Variants in NDST3 observed in about 807,000 individuals in gnomAD.
NDST3 encodes bifunctional heparan sulfate N-deacetylase/N-sulfotransferase 3.
In NDST3, 58 loss-of-function variants were observed where a neutral mutation model predicts 96.1. That is an observed-to-expected ratio of 0.60 (90% CI 0.49 to 0.75). NDST3 has a LOEUF of 0.75. Ranked by LOEUF, NDST3 falls within the 30% of genes least tolerant of loss-of-function variation. NDST3 has a pLI of 0.00. For missense variants in NDST3, 788 were observed against 1,034.2 expected, an observed-to-expected ratio of 0.76 and a Z score of 3.27; for synonymous variants, 333 against 359.7, an observed-to-expected ratio of 0.93 and a Z score of 0.84.
At chr4:118,230,467 C>A (rs779457010) in intron 8 of NDST3, among the ~76,000 whole-genome samples, 3 of 151,620 alleles carry the variant, frequency 2.0e-5, no homozygotes, top group Non-Finnish European at 4.4e-5. Context: ...CCCAGCTACT[C>A]AAGAGGCTGA....
intron 6 of NDST3, among the ~76,000 whole-genome samples, chr4:118,161,982 T>C (rs952629582): frequency 2.6e-5 from 4 of 152,190 alleles, no homozygotes; most frequent in Non-Finnish European, 4.4e-5. Context: ...CTGGGAGCTG[T>C]AGACCGGAGC....
At chr4:118,162,893 C>A (rs1473123235) in intron 6 of NDST3, among the ~76,000 whole-genome samples, 2 of 148,034 alleles carry the variant, frequency 1.4e-5, no homozygotes, top group Admixed American at 6.8e-5. Context: ...TGAACTCAAA[C>A]AAATTTACAA....
intron 3 of NDST3, among the ~76,000 whole-genome samples, chr4:118,107,236 C>T (rs1730273932): frequency 6.6e-6 from 1 of 151,864 alleles, no homozygotes; most frequent in East Asian, 1.9e-4. Context: ...TCTGAATTTC[C>T]CTATTAAATG....
intron 2 of NDST3, among the ~76,000 whole-genome samples, chr4:118,067,827 C>T (rs913276428): frequency 2.6e-5 from 4 of 151,554 alleles, no homozygotes; most frequent in East Asian, 1.9e-4. Flanking sequence ...ACCTAGGTGA[C>T]GGATTGATAG....
At chr4:118,091,566 G>T (rs1415483070) in intron 2 of NDST3, among the ~76,000 whole-genome samples, 1 of 151,636 alleles carries the variant, frequency 6.6e-6, no homozygotes, top group Non-Finnish European at 1.5e-5. Flanking sequence ...ATAATCATGA[G>T]TAATGTGATG....
chr4:118,172,032 C>T (rs998947640), intron 6 of NDST3, among the ~76,000 whole-genome samples: 1 of 152,128 alleles, frequency 6.6e-6, no homozygotes, highest in Non-Finnish European at 1.5e-5. Flanking sequence ...AGAGGTCTCT[C>T]TTATGAGAAA....
intron 2 of NDST3, among the ~76,000 whole-genome samples, chr4:118,088,612 G>A (rs1560633951): frequency 6.6e-6 from 1 of 152,004 alleles, no homozygotes; most frequent in Non-Finnish European, 1.5e-5. Flanking sequence ...ATAACCCATA[G>A]TAGCAAGCTT....
chr4:118,129,431 A>G (rs1043758502), intron 4 of NDST3, among the ~76,000 whole-genome samples: 2 of 151,586 alleles, frequency 1.3e-5, no homozygotes, highest in Non-Finnish European at 3.0e-5. Flanking sequence ...TTCCATCTTA[A>G]TTTTTTCATT....
At chr4:118,222,361 T>C (rs1291457466) in intron 6 of NDST3, among the ~76,000 whole-genome samples, 1 of 151,790 alleles carries the variant, frequency 6.6e-6, no homozygotes, top group African/African-American at 2.4e-5. Context: ...GCAAAAGATA[T>C]GCAATATTCC....
chr4:118,177,447 C>T (rs1289000394), intron 6 of NDST3, among the ~76,000 whole-genome samples: 1 of 151,958 alleles, frequency 6.6e-6, no homozygotes, highest in African/African-American at 2.4e-5. Flanking sequence ...GGGTTCACTG[C>T]TTTTATCAGT....
At chr4:118,159,038 T>G (rs1734906886) in intron 6 of NDST3, among the ~76,000 whole-genome samples, 2 of 152,168 alleles carry the variant, frequency 1.3e-5, no homozygotes, top group African/African-American at 4.8e-5. Context: ...AGAGAGCAAC[T>G]GGAAGAAAAC....
intron 6 of NDST3, among the ~76,000 whole-genome samples, chr4:118,149,920 G>T (rs538114295): frequency 6.6e-6 from 1 of 150,924 alleles, no homozygotes; most frequent in Non-Finnish European, 1.5e-5. Context: ...ATTATTTTGA[G>T]ATATGTCCCA....
intron 6 of NDST3, among the ~76,000 whole-genome samples, chr4:118,169,658 G>A (rs10020944): frequency 0.066 from 10,110 of 152,128 alleles, 739 homozygotes; most frequent in African/African-American, 0.18. Flanking sequence ...GCCTGGCATG[G>A]TGGCTGGTGC....
chr4:118,123,386 G>A (rs1392015987), intron 4 of NDST3, among the ~76,000 whole-genome samples: 3 of 152,062 alleles, frequency 2.0e-5, no homozygotes, highest in Non-Finnish European at 4.4e-5. Context: ...GGCTGTCCTG[G>A]ATTATTTATA....
At chr4:118,235,264 C>T (rs902362639) in intron 9 of NDST3, among the ~76,000 whole-genome samples, 2 of 152,182 alleles carry the variant, frequency 1.3e-5, no homozygotes, top group Admixed American at 1.3e-4. Context: ...CCTGAATTTA[C>T]ATTCTATAAA....
intron 6 of NDST3, among the ~76,000 whole-genome samples, chr4:118,170,831 A>G (rs1279471473): frequency 6.6e-6 from 1 of 152,234 alleles, no homozygotes; most frequent in Non-Finnish European, 1.5e-5. Context: ...TGCCTTTTCT[A>G]TAGATTTAGG....
chr4:118,091,133 G>T (rs990514678), intron 2 of NDST3, among the ~76,000 whole-genome samples: 11 of 151,614 alleles, frequency 7.3e-5, no homozygotes, highest in African/African-American at 2.4e-4. Flanking sequence ...ACCAGATATA[G>T]ATACTTGAGG....
At chr4:118,117,092 G>C (rs979259660) in intron 4 of NDST3, among the ~76,000 whole-genome samples, 2 of 152,134 alleles carry the variant, frequency 1.3e-5, no homozygotes, top group African/African-American at 4.8e-5. Context: ...AAGCAGAAGA[G>C]AGTAGTTGTA....
intron 6 of NDST3, among the ~76,000 whole-genome samples, chr4:118,206,388 T>C (rs1738445836): frequency 6.9e-6 from 1 of 144,768 alleles, no homozygotes; most frequent in Non-Finnish European, 1.5e-5. Flanking sequence ...TCCTTGAAAG[T>C]TGATAGGATT....
Sources: gnomAD v4.1 joint callset for allele counts (sites outside exome capture counted in the v4.1 genomes callset) on GRCh38, gnomAD v4.1.1 for gene constraint, MANE v1.5 for transcripts, NCBI Gene and HGNC (gene_info 2026-07-23, HGNC 2026-07-21) for gene names.